Variants in DISC1 observed in about 807,000 individuals in gnomAD.
The protein encoded by DISC1 is DISC1 scaffold protein.
A neutral mutation model predicts 84.5 loss-of-function variants in DISC1; 57 were observed. The observed-to-expected ratio is 0.67, with a 90% CI of 0.55 to 0.84. The LOEUF (loss-of-function observed/expected upper bound fraction) is 0.84, where lower values mean the gene tolerates loss of function less well. Among genes scored for constraint, DISC1 ranks in the 40% least tolerant of loss-of-function variants. DISC1 has a pLI of 0.00. For synonymous variants in DISC1, 411 were observed against 415.2 expected (o/e 0.99, Z 0.12); for missense variants, 1,000 against 1,057.8 (o/e 0.95, Z 0.76).
At chr1:232,024,746 C>G (rs1379737371) in intron 11 of DISC1, among the ~76,000 whole-genome samples, 1 of 151,270 alleles carries the variant, frequency 6.6e-6, no homozygotes, top group Non-Finnish European at 1.5e-5. Context: ...GCGCCCACCA[C>G]CACGCCCAGC....
intron 9 of DISC1, among the ~76,000 whole-genome samples, chr1:231,913,772 G>A (rs1335488853): frequency 7.2e-5 from 11 of 152,066 alleles, no homozygotes; most frequent in Admixed American, 6.6e-4. Context: ...TAGTATTTCC[G>A]GGTTGCAGTA....
At chr1:231,976,032 A>G (rs986994742) in intron 10 of DISC1, among the ~76,000 whole-genome samples, 1 of 152,202 alleles carries the variant, frequency 6.6e-6, no homozygotes, top group Non-Finnish European at 1.5e-5. Flanking sequence ...AAGCATCTAC[A>G]TGGCTCACTG....
chr1:231,725,580 T>G (rs2070539401), intron 3 of DISC1, among the ~76,000 whole-genome samples: 1 of 152,234 alleles, frequency 6.6e-6, no homozygotes, highest in Admixed American at 6.5e-5. Flanking sequence ...TTGCTGACTC[T>G]GCATTGCTGC....
chr1:231,841,514 C>G (rs1302654121), intron 9 of DISC1, among the ~76,000 whole-genome samples: 1 of 152,216 alleles, frequency 6.6e-6, no homozygotes, highest in Non-Finnish European at 1.5e-5. Context: ...TTGCTCTGTG[C>G]ATCATGCTGG....
At chr1:231,927,318 AGCAG>A (rs1341229226) in intron 9 of DISC1, among the ~76,000 whole-genome samples, 1 of 152,234 alleles carries the variant, frequency 6.6e-6, no homozygotes, top group African/African-American at 2.4e-5. Context: ...AACACTAAAA[AGCAG>A]GATCATCAGG....
At chr1:231,682,907 C>A (rs937170463) in intron 1 of DISC1, among the ~76,000 whole-genome samples, 5 of 152,200 alleles carry the variant, frequency 3.3e-5, no homozygotes, top group Non-Finnish European at 7.3e-5. Context: ...TGGTTTTTGA[C>A]CCTTAAACAC....
intron 9 of DISC1, among the ~76,000 whole-genome samples, chr1:231,905,445 C>T (rs1405848305): frequency 6.6e-6 from 1 of 151,728 alleles, no homozygotes; most frequent in Admixed American, 6.6e-5. Flanking sequence ...ATAGTGAGAC[C>T]CCCGTCTCCA....
At chr1:231,836,190 CTTTA>C (rs1233968848) in intron 9 of DISC1, among the ~76,000 whole-genome samples, 1 of 152,024 alleles carries the variant, frequency 6.6e-6, no homozygotes, top group African/African-American at 2.4e-5. Flanking sequence ...CTGTTTTTTT[CTTTA>C]TTATTTCCCA....
chr1:231,647,857 G>A (rs1180976801), intron 1 of DISC1, among the ~76,000 whole-genome samples: 1 of 152,114 alleles, frequency 6.6e-6, no homozygotes, highest in Admixed American at 6.5e-5. Context: ...TTGGGTCTCT[G>A]TTTGTCTGTT....
At chr1:231,750,189 C>T in intron 4 of DISC1, 113 bp downstream of exon 4, 3 of 1,475,262 alleles carry the variant, frequency 2.0e-6, no homozygotes, top group Non-Finnish European at 2.7e-6. Context: ...GCTGCCTTTC[C>T]TGGGAAGGGC....
chr1:232,032,245 G>A (rs1417858695), intron 12 of DISC1, among the ~76,000 whole-genome samples: 3 of 152,144 alleles, frequency 2.0e-5, no homozygotes, highest in Non-Finnish European at 2.9e-5. Context: ...CAGATGAACC[G>A]AAGACCTAAA....
At chr1:231,972,399 C>G (rs971345981) in intron 10 of DISC1, among the ~76,000 whole-genome samples, 3 of 152,140 alleles carry the variant, frequency 2.0e-5, no homozygotes, top group African/African-American at 7.2e-5. Context: ...GACTATGAAG[C>G]CTTTCAACTG....
In DISC1 at chr1:231,701,951, A is replaced by G. The variant is rs752631351; in HGVS notation, c.1048-4A>G. ...TTTATTTTTTCCCCTTTAAACCAAC[A>G]TAGGTAATATCCTTAAGATTAAAAC... On this transcript the variant is annotated splice_polypyrimidine_tract_variant and splice_region_variant and intron_variant, in intron 2 of 12. Coordinates refer to ENST00000439617, the MANE Select transcript of DISC1 (RefSeq NM_018662.3). 1 of 1,598,936 alleles carries G rather than the reference A, an allele frequency of 6.3e-7. No homozygotes were observed. The highest frequency in any genetic ancestry group is 1.1e-5 in the South Asian group (1 of 88,564).
chr1:231,809,411 T>TA (rs398103802), intron 8 of DISC1, among the ~76,000 whole-genome samples: 24 of 151,542 alleles, frequency 1.6e-4, no homozygotes, highest in Middle Eastern at 3.4e-3. Flanking sequence ...ATTTTTTTTT[T>TA]ATCTCACCTG....
At chr1:232,029,130 T>C (rs1009980098) in intron 12 of DISC1, among the ~76,000 whole-genome samples, 2 of 152,226 alleles carry the variant, frequency 1.3e-5, no homozygotes, top group African/African-American at 4.8e-5. Flanking sequence ...ACTGATGTTA[T>C]GTTTTTTGAG....
chr1:231,886,864 TC>T (rs11342561), intron 9 of DISC1, among the ~76,000 whole-genome samples: 70,282 of 100,108 alleles, frequency 0.7, 25,064 homozygotes, highest in East Asian at 0.77. Flanking sequence ...TTCTTTTCTT[TC>T]CTTTTTTTTT....
chr1:231,928,560 G>T (rs1006420008), intron 9 of DISC1, among the ~76,000 whole-genome samples: 4 of 152,070 alleles, frequency 2.6e-5, no homozygotes, highest in Admixed American at 1.3e-4. Flanking sequence ...ATCTCCTTCA[G>T]TTCTGCTCTG....
chr1:231,799,016 A>G (rs764562958), intron 7 of DISC1, among the ~76,000 whole-genome samples: 1 of 152,146 alleles, frequency 6.6e-6, no homozygotes, highest in Non-Finnish European at 1.5e-5. Context: ...TCTAGATAAC[A>G]TTGGCATATG....
At chr1:231,902,609 A>C (rs76577405) in intron 9 of DISC1, among the ~76,000 whole-genome samples, 3,152 of 152,164 alleles carry the variant, frequency 0.021, 134 homozygotes, top group African/African-American at 0.073. Context: ...TCAAAAAAAA[A>C]ACAAAACTCA....
Sources: allele counts gnomAD v4.1 joint callset (sites outside exome capture counted in the v4.1 genomes callset), GRCh38; gene constraint gnomAD v4.1.1; transcripts MANE v1.5; gene names NCBI Gene and HGNC (gene_info 2026-07-23, HGNC 2026-07-21).